The following ZNF792 variants were observed in gnomAD, a reference collection of about 807,000 sequenced individuals.
ZNF792 encodes zinc finger protein 792.
Under a neutral mutation model 13.1 loss-of-function variants are expected in ZNF792, and 14 were observed. The ratio of observed to expected loss-of-function variants is 1.07; its 90% CI spans 0.71 to 1.67. The LOEUF is 1.67. Among genes scored for constraint, ZNF792 ranks in the 40% most tolerant of loss-of-function variants. The probability of loss-of-function intolerance (pLI) is 0.00; values close to 1 mark genes in which losing one functional copy is unlikely to be tolerated. For missense variants in ZNF792, 740 were observed against 807.9 expected (o/e 0.92, Z 1.02); for synonymous variants, 257 against 292.0 (o/e 0.88, Z 1.22).
At position 34,958,511 on chromosome 19, in the gene ZNF792, C is replaced by T. The variant is rs760782317; in HGVS notation, c.1344G>A (p.Arg448=). The T allele has an allele frequency of 6.3e-7, 1 of 1,589,574 alleles. No individual in the cohort carries two copies. Among genetic ancestry groups the T allele is most frequent in the Non-Finnish European group, 8.6e-7 (1 of 1,167,098 alleles). ...IQHQIVHTGE[R]PHGCGECGKA... is the part of the protein sequence containing the mutation. ...TCCCACACTCACCACACCCGTGAGG[C>T]CGCTCGCCAGTGTGAACTATCTGAT... is the stretch of plus-strand genomic sequence containing the variant. Residue 448 remains arginine (R), a synonymous_variant, in exon 4 of 4, where the codon CGG becomes CGA. Coordinates refer to ENST00000404801, the MANE Select transcript of ZNF792 (RefSeq NM_175872.5).
chr19:34,963,611 C>T lies in ZNF792; in HGVS notation c.33+19G>A, dbSNP rs916012009. The T allele has an allele frequency of 1.2e-6, 2 of 1,601,664 alleles. No homozygotes were observed. The highest frequency in any genetic ancestry group is 1.7e-5 in the Admixed American group (1 of 58,050). On this transcript the variant is annotated intron_variant, in intron 1 of 3. Transcript: ENST00000404801. Reference sequence around the variant, plus strand: ...GCGTGGGGGGCCGACAGCGAAGGGCCTAACGTCCAAGCACTCACCTGCGCG... The same window carrying T: ...GCGTGGGGGGCCGACAGCGAAGGGCTTAACGTCCAAGCACTCACCTGCGCG...
Position 34,960,934 on chromosome 19 carries a change from C to G in ZNF792, c.94G>C (p.Asp32His), listed in dbSNP as rs766568259. Residue 32 changes from aspartate (D) to histidine (H), a missense_variant, in exon 2 of 4, where the codon GAT (aspartate) becomes CAT (histidine). By Grantham distance (81) the Asp-to-His change is moderately conservative. Transcript: ENST00000404801. Reference protein sequence around the residue: ...YFSQEEWVLLDEAQRLLYCDV... With the variant: ...YFSQEEWVLLHEAQRLLYCDV... ...CAGTACAGGAGTCTCTGAGCCTCAT[C>G]GAGGAGCACCCACTCCTCCTGGGAG... The G allele has an allele frequency of 2.5e-6, 4 of 1,613,892 alleles. No homozygotes were observed. Among genetic ancestry groups the G allele is most frequent in the African/African-American group, 1.3e-5 (1 of 74,886 alleles).
At chr19:34,962,263 A>C (rs2013540355) in intron 1 of ZNF792, among the ~76,000 whole-genome samples, 1 of 152,224 alleles carries the variant, frequency 6.6e-6, no homozygotes, top group Non-Finnish European at 1.5e-5. Context: ...TGAAATGAGA[A>C]AAGCCAAGGC....
rs940682571 is a variant in ZNF792 at position 34,958,332 on chromosome 19, C to A, written c.1523G>T (p.Cys508Phe). The A allele has an allele frequency of 2.1e-5, 34 of 1,613,020 alleles. No homozygotes were observed. Among genetic ancestry groups the A allele is most frequent in the Non-Finnish European group, 2.9e-5 (34 of 1,179,484 alleles). Residue 508 changes from cysteine to phenylalanine, a missense_variant, in exon 4 of 4, where the codon TGC (cysteine) becomes TTC (phenylalanine). Transcript: ENST00000404801. ...GTTAAAGAATTTCCCACATTCACTG[C>A]ACTGGTAAGGCCGTTCACCAGTGTG... ...RLHTGERPYQ[C>F]SECGKFFNQS...
chr19:34,961,665 A>T (rs1187110232), intron 1 of ZNF792, among the ~76,000 whole-genome samples: 1 of 151,776 alleles, frequency 6.6e-6, no homozygotes, highest in Non-Finnish European at 1.5e-5. Flanking sequence ...TGTCACATAC[A>T]CTTGGCCTTC....
In ZNF792 at chr19:34,959,492, A is replaced by T. The variant is rs1256668516; in HGVS notation, c.363T>A (p.Ser121Arg). 6.2e-7 allele frequency: 1 copy of T among 1,609,498 alleles called. No homozygotes were observed. The highest frequency in any genetic ancestry group is 2.2e-5 in the East Asian group (1 of 44,822). Residue 121 changes from serine to arginine, a missense_variant, in exon 4 of 4, where the codon AGT becomes AGA. Coordinates refer to ENST00000404801, the MANE Select transcript of ZNF792 (RefSeq NM_175872.5). ...VSVEGVAQDR[S>R]PEATLCPQKT... Reference sequence around the variant, plus strand: ...TCTGGGGGCACAGAGTTGCCTCGGGACTCCTGTCCTGTGCCACTCCTTCTA... The same window carrying T: ...TCTGGGGGCACAGAGTTGCCTCGGGTCTCCTGTCCTGTGCCACTCCTTCTA...
chr19:34,963,582 A>C, intron 1 of ZNF792, 48 bp downstream of exon 1: 2 of 1,587,514 alleles, frequency 1.3e-6, no homozygotes, highest in South Asian at 2.3e-5. Flanking sequence ...CACCGAGAAC[A>C]GAAGCGTGGG....
At position 34,957,422 on chromosome 19, in the gene ZNF792, T is replaced by C. The variant is rs2013448044; in HGVS notation, c.*534A>G. The C allele has an allele frequency of 6.6e-6, 1 of 152,364 alleles. No homozygotes were observed. The highest frequency in any genetic ancestry group is 1.5e-5 in the Non-Finnish European group (1 of 68,184). 9.4% of individuals were successfully genotyped at this position (152,364 alleles called of 1,614,324 possible). ...AGATAATCTGGAGACCCCTTCAGTT[T>C]GGTAGATCTTAACTCTGCTCTTGAA... On this transcript the variant is annotated 3_prime_UTR_variant, in exon 4 of 4. Transcript: ENST00000404801.
rs1012416681 is a variant in ZNF792 at position 34,958,952 on chromosome 19, C to T, written c.903G>A (p.Gln301=). The part of the protein sequence containing the change: ...FTYAADLTQH[Q]KVHNRGKPYE... ...ACGGTTTTCCTCTATTGTGAACTTT[C>T]TGGTGTTGAGTGAGGTCAGCGGCGT... Residue 301 remains glutamine (Q), a synonymous_variant, in exon 4 of 4, where the codon CAG becomes CAA. Coordinates refer to ENST00000404801, the MANE Select transcript of ZNF792 (RefSeq NM_175872.5). 3.1e-6 allele frequency: 5 copies of T among 1,614,160 alleles called. No homozygotes were observed. The highest frequency in any genetic ancestry group is 4.2e-6 in the Non-Finnish European group (5 of 1,179,990).
In ZNF792 at chr19:34,960,577, T is replaced by A. The variant is rs2013513038; in HGVS notation, c.161-220A>T. 11 of 698,040 alleles carry A rather than the reference T, an allele frequency of 1.6e-5. No homozygotes were observed. The East Asian group carries it at 2.8e-4, about 18-fold the overall frequency. 43.2% of individuals were successfully genotyped at this position (698,040 alleles called of 1,614,324 possible). On this transcript the variant is annotated intron_variant, in intron 2 of 3. Coordinates refer to ENST00000404801, the MANE Select transcript of ZNF792 (RefSeq NM_175872.5). ...AAACCACAGAACTGTCAGATCTGGA[T>A]AATCACCCAGGAGGGAATGGCCGAG...
chr19:34,960,540 G>A (rs754526907), intron 2 of ZNF792, 183 bp from the exon 3 acceptor site: 2 of 802,248 alleles, frequency 2.5e-6, no homozygotes, highest in East Asian at 5.5e-5. Context: ...CAAGAGGAAA[G>A]GCACAGAATC....
chr19:34,958,310 A>T lies in ZNF792; in HGVS notation c.1545T>A (p.Phe515Leu), dbSNP rs763223669. Residue 515 changes from phenylalanine to leucine, a missense_variant, in exon 4 of 4, where the codon TTT becomes TTA. By Grantham distance (22) the Phe-to-Leu change is conservative (BLOSUM62 0). Transcript: ENST00000404801. ...PYQCSECGKF[F>L]NQSSSLNNHR... Reference sequence around the variant, plus strand: ...GGTTATTGAGGCTGGAGCTTTGGTTAAAGAATTTCCCACATTCACTGCACT... The same window carrying T: ...GGTTATTGAGGCTGGAGCTTTGGTTTAAGAATTTCCCACATTCACTGCACT... 5 of 1,604,108 alleles carry T rather than the reference A, an allele frequency of 3.1e-6. No homozygotes were observed. Among genetic ancestry groups the T allele is most frequent in the Non-Finnish European group, 4.2e-6 (5 of 1,176,592 alleles).
At chr19:34,960,206 A>G (rs762712960) in intron 3 of ZNF792, 29 bp downstream of exon 3, 15 of 1,609,118 alleles carry the variant, frequency 9.3e-6, no homozygotes, top group East Asian at 2.2e-5. Flanking sequence ...GTGAAGTCAC[A>G]TCCTCCCCTA....
At chr19:34,959,595 A>C (rs1213732728) in intron 3 of ZNF792, 24 bp from the exon 4 acceptor site, 1 of 1,515,420 alleles carries the variant, frequency 6.6e-7, no homozygotes, top group Admixed American at 2.3e-5. Context: ...AATGCTGGTG[A>C]AGTTCGTATA....
Position 34,957,895 on chromosome 19 carries a change from T to C in ZNF792, c.*61A>G, listed in dbSNP as rs1409797100. 1 of 1,491,152 alleles carries C rather than the reference T, an allele frequency of 6.7e-7. No homozygotes were observed. The highest frequency in any genetic ancestry group is 1.4e-5 in the African/African-American group (1 of 71,244). 92.4% of individuals were successfully genotyped at this position (1,491,152 alleles called of 1,614,324 possible). A position where few individuals can be genotyped will look rare whatever the true frequency, so the allele number is the denominator to read the frequency against. ...AACCCCAGCAGTGAAAAAACGCTGA[T>C]AAACTCTACAGTAAGAGAATGTAAC... On this transcript the variant is annotated 3_prime_UTR_variant, in exon 4 of 4. Coordinates refer to ENST00000404801, the MANE Select transcript of ZNF792 (RefSeq NM_175872.5).
Position 34,959,193 on chromosome 19 carries a change from G to T in ZNF792, c.662C>A (p.Ala221Asp). 6.2e-7 allele frequency: 1 copy of T among 1,614,024 alleles called. No homozygotes were observed. ...CTCACACTGCAGAAACCCTGCTGTG[G>T]CCACAAAGTCCTTCCCACCCTCCCT... ...TCREGGKDFV[A>D]TAGFLQCEVT... Residue 221 changes from alanine to aspartate, a missense_variant, in exon 4 of 4, where the codon GCC becomes GAC. Transcript: ENST00000404801.
chr19:34,958,409 T>C lies in ZNF792; in HGVS notation c.1446A>G (p.Glu482=). 6.2e-7 allele frequency: 1 copy of C among 1,613,514 alleles called. No individual in the cohort carries two copies. Among genetic ancestry groups the C allele is most frequent in the Non-Finnish European group, 8.5e-7 (1 of 1,179,714 alleles). ...HTGERPYECN[E]CGKLFSQSSS... Reference sequence around the variant, plus strand: ...AGCTCTGGCTAAATAACTTCCCACATTCATTGCATTCATAAGGCCGCTCAC... The same window carrying C: ...AGCTCTGGCTAAATAACTTCCCACACTCATTGCATTCATAAGGCCGCTCAC... Residue 482 remains glutamate (E), a synonymous_variant, in exon 4 of 4, where the codon GAA becomes GAG. Coordinates refer to ENST00000404801, the MANE Select transcript of ZNF792 (RefSeq NM_175872.5).
chr19:34,963,686 C>T lies in ZNF792; in HGVS notation c.-24G>A, dbSNP rs756885049. 3 of 1,579,286 alleles carry T rather than the reference C, an allele frequency of 1.9e-6. No homozygotes were observed. In the East Asian group the frequency reaches 6.8e-5, roughly 36 times the overall value. ...ATCGGAGTCTGTGGTCAGAGCAGGG[C>T]CCCACGGTGCGGGAAACCACGGGGC... On this transcript the variant is annotated 5_prime_UTR_variant, in exon 1 of 4. Coordinates refer to ENST00000404801, the MANE Select transcript of ZNF792 (RefSeq NM_175872.5).
At chr19:34,960,402 T>C (rs575428928) in intron 2 of ZNF792, 45 bp from the exon 3 acceptor site, 3 of 1,600,794 alleles carry the variant, frequency 1.9e-6, no homozygotes, top group East Asian at 4.5e-5. Flanking sequence ...CCTGCCCAGT[T>C]GAACTACCCC....
Sources: allele counts gnomAD v4.1 joint callset (sites outside exome capture counted in the v4.1 genomes callset), GRCh38; gene constraint gnomAD v4.1.1; transcripts MANE v1.5; gene names NCBI Gene and HGNC (gene_info 2026-07-23, HGNC 2026-07-21).